Variants in GAREM2 observed in about 807,000 individuals in gnomAD.
GAREM2 encodes the protein GRB2-associated and regulator of MAPK protein 2.
In GAREM2, 30 loss-of-function variants were observed where a neutral mutation model predicts 55.6. The observed-to-expected ratio is 0.54, with a 90% CI of 0.40 to 0.73. The LOEUF (loss-of-function observed/expected upper bound fraction) is 0.73, where lower values mean the gene tolerates loss of function less well. Among genes scored for constraint, GAREM2 ranks in the 30% least tolerant of loss-of-function variants. The pLI, the probability that GAREM2 is intolerant of heterozygous loss-of-function variation, is 0.00. For synonymous variants in GAREM2, 550 were observed against 569.1 expected (o/e 0.97, Z 0.48); for missense variants, 1,075 against 1,257.7 (o/e 0.85, Z 2.20).
chr2:26,192,109 AGTGGTCCTCCTGTTCAGGTATG>A (rs1558313786), downstream of GAREM2, among the ~76,000 whole-genome samples: 1 of 152,084 alleles, frequency 6.6e-6, no homozygotes, highest in African/African-American at 2.4e-5. Context: ...CAGCATCAGG[AGTGGTCCTCCTGTTCAGGTATG>A]GTGGTCACAA....
rs772458705 is a variant in GAREM2 at position 26,188,214 on chromosome 2, A to G, written c.2582A>G (p.Lys861Arg). ...TTCCACCTCACCAAGCTGCAGGTCA[A>G]GAAGATCATGCAGTTCATCAAAGGC... is the stretch of plus-strand genomic sequence containing the variant. ...DDFHLTKLQVKKIMQFIKGWR... is the reference protein window; with the variant it reads ...DDFHLTKLQVRKIMQFIKGWR... Residue 861 changes from lysine to arginine, a missense_variant, in exon 6 of 6, where the codon AAG (lysine) becomes AGG (arginine). Transcript: ENST00000401533. 11 of 1,522,380 alleles carry G rather than the reference A, an allele frequency of 7.2e-6. No individual in the cohort carries two copies. Among genetic ancestry groups the G allele is most frequent in the Middle Eastern group, 1.7e-4 (1 of 5,880 alleles). The allele number at this position is 1,522,380 out of a possible 1,614,324, so 94.3% of individuals were successfully genotyped here. A position where few individuals can be genotyped will look rare whatever the true frequency, so the allele number is the denominator to read the frequency against.
At chr2:26,185,787 C>G (rs902641695) in intron 4 of GAREM2, among the ~76,000 whole-genome samples, 1 of 152,170 alleles carries the variant, frequency 6.6e-6, no homozygotes, top group Non-Finnish European at 1.5e-5. Flanking sequence ...TTGGGGTACA[C>G]GACTTGTAGG....
intron 5 of GAREM2, among the ~76,000 whole-genome samples, 169 bp from the exon 6 acceptor site, chr2:26,187,061 GA>G (rs1247749401): frequency 6.6e-6 from 1 of 152,242 alleles, no homozygotes; most frequent in Non-Finnish European, 1.5e-5. Flanking sequence ...TGGGCTGGGG[GA>G]TGCTGGAAGG....
chr2:26,197,763 G>A, the GAREM2 span: 31 of 1,524,820 alleles, frequency 2.0e-5, no homozygotes, highest in Non-Finnish European at 2.8e-5. Context: ...CAAAGATACA[G>A]TGATCTGGAA....
In GAREM2 at chr2:26,185,212, C is replaced by A. The variant is rs1163149746; in HGVS notation, c.1364C>A (p.Ala455Asp). 1 of 1,521,596 alleles carries A rather than the reference C, an allele frequency of 6.6e-7. No individual in the cohort carries two copies. Among genetic ancestry groups the A allele is most frequent in the South Asian group, 1.2e-5 (1 of 83,364 alleles). The allele number at this position is 1,521,596 out of a possible 1,614,324, so 94.3% of individuals were successfully genotyped here. A position where few individuals can be genotyped will look rare whatever the true frequency, so the allele number is the denominator to read the frequency against. ...GGGCTCGATCTCATCTCCTTCGGGGCCGCGGGACCGCCGCGTCGGGAGCCG... is the reference window on the plus strand; with the variant it reads ...GGGCTCGATCTCATCTCCTTCGGGGACGCGGGACCGCCGCGTCGGGAGCCG... Reference protein sequence around the residue: ...PPGLDLISFGAAGPPRREPEA... With the variant: ...PPGLDLISFGDAGPPRREPEA... The change falls in exon 4 of 6, where the codon GCC (alanine) becomes GAC (aspartate). Residue 455 changes from alanine (A) to aspartate (D), a missense_variant. This residue lies in a region of GAREM2 where 515 missense variants were observed against 501.5 expected (regional missense o/e 1.03). Coordinates refer to ENST00000401533, the MANE Select transcript of GAREM2 (RefSeq NM_001168241.2).
the GAREM2 span, among the ~76,000 whole-genome samples, chr2:26,203,550 C>T: frequency 6.6e-6 from 1 of 152,194 alleles, no homozygotes; most frequent in African/African-American, 2.4e-5. Context: ...TTCATGGCTT[C>T]TCTCTGTAAT....
rs921727087 is a variant in GAREM2 at position 26,188,206 on chromosome 2, G to T, written c.2574G>T (p.Leu858=). The T allele has an allele frequency of 7.8e-6, 12 of 1,529,058 alleles. No homozygotes were observed. Among genetic ancestry groups the T allele is most frequent in the South Asian group, 1.2e-5 (1 of 80,866 alleles). The allele number at this position is 1,529,058 out of a possible 1,614,324, so 94.7% of individuals were successfully genotyped here. A position where few individuals can be genotyped will look rare whatever the true frequency, so the allele number is the denominator to read the frequency against. The change falls in exon 6 of 6, where the codon CTG becomes CTT. Residue 858 remains leucine, a synonymous_variant. Coordinates refer to ENST00000401533, the MANE Select transcript of GAREM2 (RefSeq NM_001168241.2). ...ILADDFHLTK[L]QVKKIMQFIK... is the part of the protein sequence containing the mutation. ...CAGATGACTTCCACCTCACCAAGCTGCAGGTCAAGAAGATCATGCAGTTCA... is the reference window on the plus strand; with the variant it reads ...CAGATGACTTCCACCTCACCAAGCTTCAGGTCAAGAAGATCATGCAGTTCA...
the GAREM2 span, among the ~76,000 whole-genome samples, chr2:26,202,241 A>G: frequency 6.6e-6 from 1 of 152,314 alleles, no homozygotes; most frequent in East Asian, 1.9e-4. Flanking sequence ...AGGGAGCAGA[A>G]AAGGATTCCT....
In GAREM2 at chr2:26,187,526, C is replaced by T. The variant is rs1333704257; in HGVS notation, c.1894C>T (p.Pro632Ser). The T allele has an allele frequency of 6.5e-7, 1 of 1,537,310 alleles. No individual in the cohort carries two copies. The highest frequency in any genetic ancestry group is 8.8e-7 in the Non-Finnish European group (1 of 1,140,798). The change falls in exon 6 of 6, where the codon CCT becomes TCT. Residue 632 changes from proline to serine, a missense_variant. Coordinates refer to ENST00000401533, the MANE Select transcript of GAREM2 (RefSeq NM_001168241.2). ...CTTTGCTCCGTTTGGAGCTCTCAAC[C>T]CTTTTTCCGGGCCTGCCTACCCCTC... is the stretch of plus-strand genomic sequence containing the variant. ...KRFAPFGALN[P>S]FSGPAYPSGP... is the part of the protein sequence containing the mutation.
chr2:26,179,680 G>C lies in GAREM2; in HGVS notation c.253+3196G>C, dbSNP rs1422008853. On this transcript the variant is annotated intron_variant, in intron 2 of 5. Coordinates refer to ENST00000401533, the MANE Select transcript of GAREM2 (RefSeq NM_001168241.2). The surrounding 1 kb of genome is among the most constrained non-coding windows in gnomAD (Gnocchi z 4.7). The stretch of plus-strand genomic sequence containing the variant: ...GAGAGGAAGCCGCCCCTGGGCTGGC[G>C]GGGAGGAAAAGGCTTCCAGGGTCCA... Among the ~76,000 whole-genome samples the C allele has an allele frequency of 6.6e-6, 1 of 152,126 alleles. No homozygotes were observed. Among genetic ancestry groups the C allele is most frequent in the Admixed American group, 6.5e-5 (1 of 15,278 alleles).
intron 2 of GAREM2, chr2:26,182,516 C>T (rs962388200): frequency 3.9e-6 from 6 of 1,542,284 alleles, no homozygotes; most frequent in Middle Eastern, 1.7e-4. Context: ...ATCATCTGTC[C>T]CTACCCCCTC....
intron 4 of GAREM2, 53 bp downstream of exon 4, chr2:26,185,329 C>A (rs1408008644): frequency 2.1e-6 from 3 of 1,447,258 alleles, no homozygotes; most frequent in East Asian, 5.8e-5. Flanking sequence ...GCCCAAAGCC[C>A]GTTCTCCTGG....
downstream of GAREM2, chr2:26,191,571 G>T (rs1371372488): frequency 6.2e-7 from 1 of 1,614,064 alleles, no homozygotes; most frequent in South Asian, 1.1e-5. Flanking sequence ...GCAGGCACAT[G>T]ACTGCCTCAT....
chr2:26,196,653 C>A, the GAREM2 span, among the ~76,000 whole-genome samples: 6 of 152,110 alleles, frequency 3.9e-5, no homozygotes, highest in Non-Finnish European at 7.4e-5. Context: ...TTTGGCCTTA[C>A]TTTTAAATGA....
the GAREM2 span, among the ~76,000 whole-genome samples, chr2:26,200,710 A>T: frequency 6.6e-6 from 1 of 150,574 alleles, no homozygotes; most frequent in Non-Finnish European, 1.5e-5. Flanking sequence ...CACACATAAA[A>T]ACTTAACGTT....
rs1464415107 is a variant in GAREM2 at position 26,185,080 on chromosome 2, G to T, written c.1232G>T (p.Ser411Ile). The change falls in exon 4 of 6, where the codon AGC becomes ATC. Residue 411 changes from serine to isoleucine, a missense_variant. Physicochemically the swap from Ser to Ile is moderately radical, Grantham distance 142 (BLOSUM62 -2). Transcript: ENST00000401533. ...GGCGAGGGCGACCAGGAGTACGTGA[G>T]CCCCGACTGGGCAGCCGCGCCCGAG... Reference protein sequence around the residue: ...PAGEGDQEYVSPDWAAAPEPA... With the variant: ...PAGEGDQEYVIPDWAAAPEPA... 4 of 1,396,964 alleles carry T rather than the reference G, an allele frequency of 2.9e-6. No homozygotes were observed. Among genetic ancestry groups the T allele is most frequent in the South Asian group, 1.5e-5 (1 of 65,402 alleles). The allele number at this position is 1,396,964 out of a possible 1,614,324, so 86.5% of individuals were successfully genotyped here.
chr2:26,180,318 T>C (rs1669003927), intron 2 of GAREM2, among the ~76,000 whole-genome samples: 1 of 152,190 alleles, frequency 6.6e-6, no homozygotes, highest in African/African-American at 2.4e-5. Flanking sequence ...CACACAATTG[T>C]GTGTGTGTTC....
the GAREM2 span, among the ~76,000 whole-genome samples, chr2:26,199,568 C>T: frequency 9.4e-3 from 1,425 of 152,204 alleles, 26 homozygotes; most frequent in African/African-American, 0.032. Context: ...GTCTTTTCTC[C>T]CAGCTAGAAG....
intron 3 of GAREM2, among the ~76,000 whole-genome samples, chr2:26,183,557 C>T (rs1278374993): frequency 2.0e-5 from 3 of 152,122 alleles, no homozygotes; most frequent in Non-Finnish European, 4.4e-5. Flanking sequence ...GACCCTGTCT[C>T]TACAAAAAAT....
Sources: allele counts gnomAD v4.1 joint callset (sites outside exome capture counted in the v4.1 genomes callset), GRCh38; gene constraint gnomAD v4.1.1; regional missense constraint gnomAD v4.1.1; non-coding constraint Gnocchi (gnomAD v3.1); transcripts MANE v1.5; gene names NCBI Gene and HGNC (gene_info 2026-07-23, HGNC 2026-07-21).